CLEC20A: variants seen among roughly 807,000 people sequenced by gnomAD.
CLEC20A encodes putative C-type lectin domain family 20 member A.
intron 2 of CLEC20A, among the ~76,000 whole-genome samples, chr1:178,493,004 T>C (rs79683799): frequency 3.9e-5 from 6 of 152,200 alleles, no homozygotes; most frequent in African/African-American, 1.4e-4. Context: ...CTGATTCTTT[T>C]GTTTACAGGG....
chr1:178,486,630 AGGG>A (rs1314929150), intron 5 of CLEC20A: 2 of 398,510 alleles, frequency 5.0e-6, no homozygotes, highest in Non-Finnish European at 8.8e-6. Context: ...TGGCAGACCC[AGGG>A]GGTGCTGCTA....
chr1:178,491,288 A>C (rs963647579), intron 3 of CLEC20A, among the ~76,000 whole-genome samples: 8 of 152,166 alleles, frequency 5.3e-5, no homozygotes, highest in African/African-American at 2.4e-5. Flanking sequence ...TGAGGCATTG[A>C]TTCCGGAGGC....
intron 5 of CLEC20A, chr1:178,483,532 T>C (rs778732423): frequency 2.9e-6 from 1 of 339,910 alleles, no homozygotes; most frequent in Non-Finnish European, 5.2e-6. Context: ...CAGCAGGACC[T>C]GTGGGGCTTG....
chr1:178,487,001 G>A (rs1169770166), intron 5 of CLEC20A: 2 of 394,620 alleles, frequency 5.1e-6, no homozygotes, highest in African/African-American at 2.1e-5. Context: ...CTCTGAGTGA[G>A]CCGCGCTGCT....
Position 178,486,884 on chromosome 1 carries a change from G to A in CLEC20A, c.928+1617C>T, listed in dbSNP as rs193252319. ...CCCGGGGCCGCGAGGTTGGCCGAAG[G>A]GCCGGGTGTTACCGCCCCTTGGGGC... On this transcript the variant is annotated intron_variant, in intron 5 of 7. Transcript: ENST00000623247. 3.5e-4 allele frequency: 139 copies of A among 398,278 alleles called. 2 individuals carry two copies. The highest frequency in any genetic ancestry group is 2.4e-3 in the African/African-American group (116 of 48,742). The allele number at this position is 398,278 out of a possible 1,614,324, so 24.7% of individuals were successfully genotyped here. A position where few individuals can be genotyped will look rare whatever the true frequency, so the allele number is the denominator to read the frequency against.
upstream of CLEC20A, chr1:178,497,203 C>A: frequency 2.6e-6 from 1 of 380,020 alleles, no homozygotes; most frequent in Admixed American, 4.5e-5. Flanking sequence ...GTTCAGAAAA[C>A]AGTGTCCCAA....
At chr1:178,480,995 T>C (rs554204451) in intron 7 of CLEC20A, 4 of 152,182 alleles carry the variant, frequency 2.6e-5, no homozygotes, top group African/African-American at 9.6e-5. Context: ...AGCACTGAAG[T>C]CTTATTACTT....
chr1:178,490,725 T>C (rs1649249784), intron 3 of CLEC20A, among the ~76,000 whole-genome samples: 1 of 152,244 alleles, frequency 6.6e-6, no homozygotes, highest in Non-Finnish European at 1.5e-5. Flanking sequence ...AATTTCTTCA[T>C]CTATACAATG....
intron 2 of CLEC20A, chr1:178,493,590 G>A (rs1262889277): frequency 6.6e-6 from 1 of 152,422 alleles, no homozygotes; most frequent in African/African-American, 2.4e-5. Context: ...ACAAGGAGGG[G>A]GCTGCTGTTC....
At position 178,482,082 on chromosome 1, in the gene CLEC20A, C is replaced by CA. The variant is rs1297176109; in HGVS notation, c.1122+229dup. On this transcript the variant is annotated intron_variant, in intron 7 of 7. Coordinates refer to ENST00000623247, the Ensembl canonical transcript of CLEC20A. Reference sequence around the variant, plus strand: ...TCTTGACCAAAAAAAAACAAAAAAACAAAAAAACAACAAAAAAAAAAACTT... The same window carrying CA: ...TCTTGACCAAAAAAAAACAAAAAAACAAAAAAAACAACAAAAAAAAAAACTT... 5.6e-3 allele frequency: 1,997 copies of CA among 353,728 alleles called. 26 individuals are homozygous for CA. Among genetic ancestry groups the CA allele is most frequent in the African/African-American group, 0.043 (1,644 of 38,656 alleles). The allele number at this position is 353,728 out of a possible 1,614,324, so 21.9% of individuals were successfully genotyped here. A position where few individuals can be genotyped will look rare whatever the true frequency, so the allele number is the denominator to read the frequency against.
At chr1:178,485,388 A>G (rs765105025) in intron 5 of CLEC20A, among the ~76,000 whole-genome samples, 2 of 152,084 alleles carry the variant, frequency 1.3e-5, no homozygotes, top group Non-Finnish European at 1.5e-5. Context: ...TATGTGGCCT[A>G]CACCAGTCGC....
upstream of CLEC20A, chr1:178,499,417 G>A (rs1649478413): frequency 6.6e-6 from 1 of 152,188 alleles, no homozygotes; most frequent in African/African-American, 2.4e-5. Flanking sequence ...GCTGAACTGG[G>A]AAAGGCAAGA....
rs60804323 is a variant in CLEC20A at position 178,493,070 on chromosome 1, G to A, written c.398-504C>T. On this transcript the variant is annotated intron_variant, in intron 2 of 7. Coordinates refer to ENST00000623247, the Ensembl canonical transcript of CLEC20A. ...ACTCTGTGTAGAGAACAGATTTTAG[G>A]GGTCAAGGGCAGACCCAGAGGAGAG... Among the ~76,000 whole-genome samples, 5 of 152,196 alleles carry A rather than the reference G, an allele frequency of 3.3e-5. No individual in the cohort carries two copies. In the East Asian group the frequency reaches 9.7e-4, roughly 29 times the overall value.
chr1:178,486,779 C>T, intron 5 of CLEC20A: 3 of 398,526 alleles, frequency 7.5e-6, no homozygotes, highest in Non-Finnish European at 1.3e-5. Flanking sequence ...GGCTGGGACG[C>T]CGAGGGCGCA....
At chr1:178,486,418 C>G (rs1649145420) in intron 5 of CLEC20A, 1 of 398,612 alleles carries the variant, frequency 2.5e-6, no homozygotes, top group African/African-American at 2.1e-5. Context: ...TAATTTCCAG[C>G]GACGCAGACA....
At chr1:178,488,551 T>A in exon 5 of CLEC20A, 1 of 398,768 alleles carries the variant, frequency 2.5e-6, no homozygotes, top group Non-Finnish European at 4.4e-6. Flanking sequence ...GGGGGAAGTG[T>A]GGAAGAGTGG....
intron 1 of CLEC20A, chr1:178,495,837 C>G (rs1050738116): frequency 6.6e-6 from 1 of 152,408 alleles, no homozygotes; most frequent in African/African-American, 2.4e-5. Context: ...TGTGGTTGGT[C>G]CAGGGCTGCT....
In CLEC20A at chr1:178,491,713, T is replaced by C. The variant is rs559107567; in HGVS notation, c.463+788A>G. 4.6e-5 allele frequency among the ~76,000 whole-genome samples: 7 copies of C among 152,268 alleles called. No individual in the cohort carries two copies. The South Asian group carries it at 6.2e-4, about 14-fold the overall frequency. On this transcript the variant is annotated intron_variant, in intron 3 of 7. Transcript: ENST00000623247. ...CAGAAAACCCACTCTACAGAGCAGATTGAGTGAGTATATTGCCTCTGTCAT... is the reference window on the plus strand; with the variant it reads ...CAGAAAACCCACTCTACAGAGCAGACTGAGTGAGTATATTGCCTCTGTCAT...
intron 7 of CLEC20A, chr1:178,482,079 AAAC>A (rs1209736755): frequency 1.9e-5 from 7 of 360,444 alleles, no homozygotes; most frequent in Non-Finnish European, 2.9e-5. Context: ...AAAAACAAAA[AAAC>A]AAAAAAACAA....
Sources: gnomAD v4.1 joint callset for allele counts (sites outside exome capture counted in the v4.1 genomes callset) on GRCh38, gnomAD v4.1.1 for gene constraint, MANE v1.5 for transcripts, NCBI Gene and HGNC (gene_info 2026-07-23, HGNC 2026-07-21) for gene names.